Variants in DMRT1 observed in about 807,000 individuals in gnomAD.
The protein encoded by DMRT1 is doublesex and mab-3 related transcription factor 1, also known as doublesex- and mab-3-related transcription factor 1.
A neutral mutation model predicts 32.3 loss-of-function variants in DMRT1; 7 were observed. That is an observed-to-expected ratio of 0.22 (90% CI 0.12 to 0.41). The LOEUF is 0.41. DMRT1 is among the 10% of genes least tolerant of loss of function. The pLI, the probability that DMRT1 is intolerant of heterozygous loss-of-function variation, is 1.00. For missense variants in DMRT1, 625 were observed against 500.5 expected (o/e 1.25, Z -2.37); for synonymous variants, 278 against 206.1 (o/e 1.35, Z -2.99).
chr9:916,823 C>G lies in DMRT1; in HGVS notation c.883C>G (p.Pro295Ala), dbSNP rs748033033. 3.7e-6 allele frequency: 6 copies of G among 1,614,074 alleles called. No homozygotes were observed. The highest frequency in any genetic ancestry group is 2.7e-5 in the African/African-American group (2 of 74,916). ...SSQYRMHSYY[P>A]PPSYLGQSVP... ...CCAGTACAGGATGCATTCTTACTAC[C>G]CGCCTCCCTCTTACCTGGGCCAGAG... Residue 295 changes from proline (P) to alanine (A), a missense_variant, in exon 4 of 5, where the codon CCG becomes GCG. Transcript: ENST00000382276.
At chr9:870,791 A>G (rs1044083825) in intron 2 of DMRT1, among the ~76,000 whole-genome samples, 1 of 131,304 alleles carries the variant, frequency 7.6e-6, no homozygotes, top group Admixed American at 8.9e-5. Flanking sequence ...GGCTCACTGC[A>G]CCCTCTAGTC....
intron 2 of DMRT1, among the ~76,000 whole-genome samples, chr9:872,321 A>C (rs1446532256): frequency 2.6e-5 from 4 of 152,194 alleles, no homozygotes; most frequent in Admixed American, 6.5e-5. Flanking sequence ...TTGGCCTCCC[A>C]AAGTGCTGGG....
At chr9:964,808 T>C (rs1819882274) in intron 4 of DMRT1, among the ~76,000 whole-genome samples, 1 of 152,198 alleles carries the variant, frequency 6.6e-6, no homozygotes, top group South Asian at 2.1e-4. Context: ...AACAGCTTTA[T>C]GGTTCTTATT....
At chr9:870,522 C>T (rs1477472026) in intron 2 of DMRT1, among the ~76,000 whole-genome samples, 1 of 152,088 alleles carries the variant, frequency 6.6e-6, no homozygotes, top group Admixed American at 6.6e-5. Context: ...AAGCTTAGCT[C>T]TTCAGCTGTG....
intron 2 of DMRT1, among the ~76,000 whole-genome samples, chr9:869,934 A>C (rs1252364702): frequency 4.6e-5 from 7 of 152,132 alleles, no homozygotes; most frequent in African/African-American, 1.7e-4. Flanking sequence ...ACTTGGCTGA[A>C]CCTGAAGACC....
intron 2 of DMRT1, among the ~76,000 whole-genome samples, chr9:878,171 A>G (rs1477828696): frequency 3.3e-5 from 5 of 151,768 alleles, no homozygotes; most frequent in Admixed American, 6.6e-5. Flanking sequence ...ATAGCAAGCT[A>G]AAAGTTCAGC....
At chr9:850,336 AAAAC>A (rs1839091254) in intron 2 of DMRT1, among the ~76,000 whole-genome samples, 1 of 152,226 alleles carries the variant, frequency 6.6e-6, no homozygotes, top group Non-Finnish European at 1.5e-5. Context: ...GAGAGCCAAA[AAAAC>A]AAACACACTG....
At chr9:842,587 G>T (rs1049389526) in intron 1 of DMRT1, 1 of 202,228 alleles carries the variant, frequency 4.9e-6, no homozygotes, top group African/African-American at 2.4e-5. Context: ...TGCCATGCGG[G>T]TCCTGGGTTG....
chr9:868,460 G>A lies in DMRT1; in HGVS notation c.538+21317G>A, dbSNP rs536822110. Among the ~76,000 whole-genome samples the A allele has an allele frequency of 6.6e-5, 10 of 152,276 alleles. 1 individual carries two copies. The South Asian group carries it at 1.7e-3, about 25-fold the overall frequency. ...CTACTTAGAATAAAAGTGAAGAGCT[G>A]TGTGTCTGGGTTTTTCATGTCATTG... On this transcript the variant is annotated intron_variant, in intron 2 of 4. Coordinates refer to ENST00000382276, the MANE Select transcript of DMRT1 (RefSeq NM_021951.3).
intron 4 of DMRT1, among the ~76,000 whole-genome samples, chr9:918,484 A>G (rs1489726334): frequency 6.6e-6 from 1 of 152,218 alleles, no homozygotes; most frequent in Non-Finnish European, 1.5e-5. Context: ...AATTTATGGC[A>G]GAAAAGGAAG....
intron 3 of DMRT1, among the ~76,000 whole-genome samples, chr9:896,586 G>A (rs945186641): frequency 6.6e-6 from 1 of 152,046 alleles, no homozygotes; most frequent in Non-Finnish European, 1.5e-5. Flanking sequence ...AGGCCGAGGC[G>A]GGTGGATCAC....
intron 4 of DMRT1, among the ~76,000 whole-genome samples, chr9:941,879 T>C (rs562586063): frequency 1.3e-5 from 2 of 152,344 alleles, no homozygotes; most frequent in South Asian, 4.1e-4. Context: ...CTGGAATAAA[T>C]CTTATCTGGT....
intron 4 of DMRT1, among the ~76,000 whole-genome samples, chr9:938,770 T>C (rs535598350): frequency 6.6e-6 from 1 of 152,356 alleles, no homozygotes; most frequent in East Asian, 1.9e-4. Context: ...ATTTACAGTA[T>C]TGTATTGAAC....
intron 4 of DMRT1, among the ~76,000 whole-genome samples, chr9:959,757 A>G (rs778409431): frequency 1.3e-5 from 2 of 151,816 alleles, no homozygotes; most frequent in Non-Finnish European, 2.9e-5. Flanking sequence ...TGAGCTCCTG[A>G]CCTCTGGTGA....
chr9:844,953 C>T (rs1208661872), intron 1 of DMRT1, among the ~76,000 whole-genome samples: 8 of 152,036 alleles, frequency 5.3e-5, no homozygotes, highest in Non-Finnish European at 1.0e-4. Context: ...AACTCCTGAC[C>T]TCAGGTGATC....
At chr9:931,066 C>G (rs1240025396) in intron 4 of DMRT1, among the ~76,000 whole-genome samples, 2 of 152,172 alleles carry the variant, frequency 1.3e-5, no homozygotes, top group East Asian at 3.8e-4. Context: ...CTTTCTGTCT[C>G]TATGAATTTG....
rs559931934 is a variant in DMRT1, at chr9:861,755, G to A, written c.538+14612G>A. On this transcript the variant is annotated intron_variant, in intron 2 of 4. Transcript: ENST00000382276. ...CTGCCCCCCACCTCCTGGACGGGGC[G>A]GCTGCTGGGCGGAGATGCTCCCCAC... is the stretch of plus-strand genomic sequence containing the variant. Among the ~76,000 whole-genome samples, 15 of 150,090 alleles carry A rather than the reference G, an allele frequency of 1.0e-4. No individual in the cohort carries two copies. The East Asian group carries it at 1.4e-3, about 14-fold the overall frequency.
chr9:913,998 A>G (rs1029778642), intron 3 of DMRT1, among the ~76,000 whole-genome samples: 1 of 152,168 alleles, frequency 6.6e-6, no homozygotes, highest in Non-Finnish European at 1.5e-5. Context: ...CAATATCAGC[A>G]TCTCCAGCCC....
At chr9:928,494 C>A (rs917973499) in intron 4 of DMRT1, among the ~76,000 whole-genome samples, 1 of 152,118 alleles carries the variant, frequency 6.6e-6, no homozygotes. Context: ...TGTCTTCTTA[C>A]TAGAGATGAT....
Sources: allele counts gnomAD v4.1 joint callset (sites outside exome capture counted in the v4.1 genomes callset), GRCh38; gene constraint gnomAD v4.1.1; transcripts MANE v1.5; gene names NCBI Gene and HGNC (gene_info 2026-07-23, HGNC 2026-07-21).